Variants in DPCD observed in about 807,000 individuals in gnomAD.
The protein encoded by DPCD is deleted in primary ciliary dyskinesia homolog (mouse).
Under a neutral mutation model 26.4 loss-of-function variants are expected in DPCD, and 20 were observed. The ratio of observed to expected loss-of-function variants is 0.76; its 90% CI spans 0.53 to 1.10. DPCD has a LOEUF of 1.10. Ranked by LOEUF, DPCD falls within the 50% of genes least tolerant of loss-of-function variation. DPCD has a pLI of 0.00. For synonymous variants in DPCD, 97 were observed against 94.2 expected (o/e 1.03, Z -0.17); for missense variants, 202 against 253.9 (o/e 0.80, Z 1.39).
chr10:101,604,480 G>A (rs557893784), intron 4 of DPCD, among the ~76,000 whole-genome samples: 1 of 152,184 alleles, frequency 6.6e-6, no homozygotes, highest in Non-Finnish European at 1.5e-5. Flanking sequence ...GAAGAGCTGG[G>A]TTGGTGACTT....
chr10:101,605,590 C>A (rs1412768156), intron 4 of DPCD, among the ~76,000 whole-genome samples: 1 of 152,146 alleles, frequency 6.6e-6, no homozygotes, highest in East Asian at 1.9e-4. Flanking sequence ...CCTTTACTTC[C>A]ACATACATCT....
chr10:101,601,971 A>T (rs2063701750), intron 4 of DPCD, among the ~76,000 whole-genome samples: 1 of 152,162 alleles, frequency 6.6e-6, no homozygotes, highest in Non-Finnish European at 1.5e-5. Context: ...AAAGGACAGA[A>T]GGTGGCCACA....
intron 1 of DPCD, among the ~76,000 whole-genome samples, chr10:101,589,427 GTGA>G (rs1564887677): frequency 6.6e-6 from 1 of 152,166 alleles, no homozygotes; most frequent in Admixed American, 6.5e-5. Flanking sequence ...CCCAACAGAA[GTGA>G]TGATGTTTCT....
chr10:101,600,942 C>T lies in DPCD; in HGVS notation c.270+80C>T. On this transcript the variant is annotated intron_variant, in intron 3 of 5. Coordinates refer to ENST00000370151, the MANE Select transcript of DPCD (RefSeq NM_015448.3). The surrounding 1 kb of genome is among the most constrained non-coding windows in gnomAD (Gnocchi z 4.7). ...GCTGCTGGCTCTTGAGGGCAGGGAC[C>T]ATGTCTTGTTCACCTCCTCGCCTCC... 1.3e-6 allele frequency: 2 copies of T among 1,598,874 alleles called. No homozygotes were observed. The highest frequency in any genetic ancestry group is 8.5e-7 in the Non-Finnish European group (1 of 1,175,308).
At chr10:101,597,846 G>A (rs2063665233) in intron 2 of DPCD, among the ~76,000 whole-genome samples, 1 of 152,212 alleles carries the variant, frequency 6.6e-6, no homozygotes, top group Admixed American at 6.5e-5. Context: ...TTGTACATGT[G>A]TGTTCACACC....
chr10:101,608,869 A>C lies in DPCD; in HGVS notation c.439A>C (p.Arg147=), dbSNP rs757691660. 1 of 1,613,666 alleles carries C rather than the reference A, an allele frequency of 6.2e-7. No homozygotes were observed. The highest frequency in any genetic ancestry group is 8.5e-7 in the Non-Finnish European group (1 of 1,179,846). Residue 147 remains arginine (R), a synonymous_variant, in exon 5 of 6, where the codon AGA becomes CGA. Coordinates refer to ENST00000370151, the MANE Select transcript of DPCD (RefSeq NM_015448.3). ...GAAGTTCTCCATTCCTGATCTAGAT[A>C]GACACCAGCTACCTCTGGATGACGC... ...YKKFSIPDLD[R]HQLPLDDALL...
intron 1 of DPCD, among the ~76,000 whole-genome samples, chr10:101,589,334 A>G (rs2063556393): frequency 6.6e-6 from 1 of 152,248 alleles, no homozygotes; most frequent in Admixed American, 6.5e-5. Flanking sequence ...CTTAAATAAT[A>G]AGAAGCGTTA....
chr10:101,596,961 C>T (rs1197021596), intron 2 of DPCD, among the ~76,000 whole-genome samples: 1 of 152,100 alleles, frequency 6.6e-6, no homozygotes, highest in East Asian at 1.9e-4. Context: ...AGAGTTCCTC[C>T]CGTCGGTGTT....
At chr10:101,605,358 G>A in intron 4 of DPCD, 1 of 1,257,586 alleles carries the variant, frequency 8.0e-7, no homozygotes, top group Non-Finnish European at 1.1e-6. Context: ...GTAGAGAGTG[G>A]TGGGAGGCAA....
intron 4 of DPCD, among the ~76,000 whole-genome samples, chr10:101,605,747 T>C (rs546792910): frequency 1.3e-3 from 196 of 152,302 alleles, no homozygotes; most frequent in African/African-American, 4.5e-3. Flanking sequence ...TGCCCCATCA[T>C]TGGACAAATG....
intron 4 of DPCD, among the ~76,000 whole-genome samples, chr10:101,608,356 A>C (rs1422007027): frequency 6.6e-6 from 1 of 152,250 alleles, no homozygotes; most frequent in African/African-American, 2.4e-5. Flanking sequence ...GAGGTAGTTG[A>C]GGCCTTCAGT....
rs534587372 is a variant in DPCD at position 101,601,426 on chromosome 10, G to A, written c.404+90G>A. ...TGGCGTTAGGATCATTATTCAGGCC[G>A]GTCCTGCAGAGAGGAAGCCCTTCTG... On this transcript the variant is annotated intron_variant, in intron 4 of 5. Transcript: ENST00000370151. 6.5e-5 allele frequency: 93 copies of A among 1,430,860 alleles called. No homozygotes were observed. The African/African-American group carries it at 1.1e-3, about 17-fold the overall frequency. The allele number at this position is 1,430,860 out of a possible 1,614,324, so 88.6% of individuals were successfully genotyped here. A position where few individuals can be genotyped will look rare whatever the true frequency, so the allele number is the denominator to read the frequency against.
intron 4 of DPCD, among the ~76,000 whole-genome samples, chr10:101,602,122 C>T (rs1031067900): frequency 3.3e-5 from 5 of 152,234 alleles, no homozygotes; most frequent in African/African-American, 1.2e-4. Flanking sequence ...AGAGAGAATA[C>T]AGTCTAGGGA....
At chr10:101,596,392 T>A (rs2063652243) in intron 2 of DPCD, among the ~76,000 whole-genome samples, 1 of 152,208 alleles carries the variant, frequency 6.6e-6, no homozygotes, top group African/African-American at 2.4e-5. Flanking sequence ...TACTCTTGTC[T>A]CCATTTTACA....
chr10:101,590,817 C>T (rs891915178), intron 1 of DPCD, among the ~76,000 whole-genome samples: 3 of 152,174 alleles, frequency 2.0e-5, no homozygotes, highest in Non-Finnish European at 4.4e-5. Context: ...AACCACCATT[C>T]TACTTTCTGT....
intron 4 of DPCD, among the ~76,000 whole-genome samples, chr10:101,607,675 A>G (rs2063742630): frequency 6.6e-6 from 1 of 152,162 alleles, no homozygotes; most frequent in African/African-American, 2.4e-5. Context: ...CACAAGGACC[A>G]GGCCCCTCTG....
intron 1 of DPCD, among the ~76,000 whole-genome samples, chr10:101,594,177 A>T (rs200351247): frequency 1.0e-5 from 1 of 96,708 alleles, no homozygotes; most frequent in Non-Finnish European, 2.6e-5. Context: ...TCCTGAACAC[A>T]TAGAGAGATA....
In DPCD at chr10:101,588,363, T is replaced by G. The variant is rs1190144994; in HGVS notation, c.27T>G (p.Ser9Arg). MAVTGWLE[S>R]LRTAQKTALL... Reference sequence around the variant, plus strand: ...TGGCGGTGACGGGCTGGTTGGAGAGTCTGCGGACAGCCCAGAAGACTGCGC... The same window carrying G: ...TGGCGGTGACGGGCTGGTTGGAGAGGCTGCGGACAGCCCAGAAGACTGCGC... The change falls in exon 1 of 6, where the codon AGT becomes AGG. Residue 9 changes from serine to arginine, a missense_variant. Ser to Arg is a moderately radical substitution (Grantham distance 110). Around this residue, in one of 3 missense-constraint regions of DPCD, gnomAD observed 47 missense variants for 32.8 expected, o/e 1.43. Transcript: ENST00000370151. 1 of 1,599,140 alleles carries G rather than the reference T, an allele frequency of 6.3e-7. No individual in the cohort carries two copies. Among genetic ancestry groups the G allele is most frequent in the Non-Finnish European group, 8.5e-7 (1 of 1,170,988 alleles).
chr10:101,588,576 CAT>C (rs1291637732), intron 1 of DPCD, 176 bp downstream of exon 1: 72 of 1,431,628 alleles, frequency 5.0e-5, no homozygotes, highest in Non-Finnish European at 6.1e-5. Context: ...GACTGGAACA[CAT>C]GTCTCCGGAC....
Sources: allele counts gnomAD v4.1 joint callset (sites outside exome capture counted in the v4.1 genomes callset), GRCh38; gene constraint gnomAD v4.1.1; regional missense constraint gnomAD v4.1.1; non-coding constraint Gnocchi (gnomAD v3.1); transcripts MANE v1.5; gene names NCBI Gene and HGNC (gene_info 2026-07-23, HGNC 2026-07-21).